Variants in ARHGEF28 observed in about 807,000 individuals in gnomAD.
ARHGEF28 encodes the protein Rho guanine nucleotide exchange factor 28.
In ARHGEF28, 152 loss-of-function variants were observed where a neutral mutation model predicts 206.6. That is an observed-to-expected ratio of 0.74 (90% CI 0.64 to 0.84). The LOEUF (loss-of-function observed/expected upper bound fraction) is 0.84. Among genes scored for constraint, ARHGEF28 ranks in the 40% least tolerant of loss-of-function variants. The pLI is 0.00. For synonymous variants in ARHGEF28, 763 were observed against 776.4 expected, an observed-to-expected ratio of 0.98 and a Z score of 0.29; for missense variants, 2,028 against 2,073.2, an observed-to-expected ratio of 0.98 and a Z score of 0.42.
chr5:73,692,640 A>G (rs1305038906), intron 2 of ARHGEF28, among the ~76,000 whole-genome samples: 2 of 151,996 alleles, frequency 1.3e-5, no homozygotes, highest in Non-Finnish European at 2.9e-5. Context: ...TAATTTCTGG[A>G]TGTTGGTATA....
At chr5:73,854,941 G>A (rs1758923939) in intron 14 of ARHGEF28, among the ~76,000 whole-genome samples, 1 of 152,022 alleles carries the variant, frequency 6.6e-6, no homozygotes, top group Admixed American at 6.6e-5. Context: ...TTCTTAATAT[G>A]TTTTAAATGT....
chr5:73,684,910 G>T, intron 2 of ARHGEF28, 26 bp downstream of exon 2: 1 of 1,609,706 alleles, frequency 6.2e-7, no homozygotes. Context: ...CGGGGCTTCA[G>T]GTCCAAGGGG....
chr5:73,915,550 ATTTCCT>A (rs1303921056), intron 35 of ARHGEF28, among the ~76,000 whole-genome samples: 1 of 152,124 alleles, frequency 6.6e-6, no homozygotes, highest in African/African-American at 2.4e-5. Flanking sequence ...GAATATTTGA[ATTTCCT>A]TAAACAATAG....
At chr5:73,929,722 G>T (rs574112929) in intron 35 of ARHGEF28, among the ~76,000 whole-genome samples, 1 of 152,120 alleles carries the variant, frequency 6.6e-6, no homozygotes, top group East Asian at 1.9e-4. Flanking sequence ...ATTGCTAAAG[G>T]CCCTTACCCA....
chr5:73,940,704 CCTTTCT>C, intron 35 of ARHGEF28, 134 bp from the exon 36 acceptor site: 1 of 598,926 alleles, frequency 1.7e-6, no homozygotes, highest in Non-Finnish European at 2.5e-6. Context: ...CTATTATGTT[CCTTTCT>C]CATTGGGCTT....
Position 73,898,071 on chromosome 5 carries a change from T to A in ARHGEF28, c.3951T>A (p.Asp1317Glu), listed in dbSNP as rs751058272. Residue 1317 changes from aspartate (D) to glutamate (E), a missense_variant, in exon 30 of 36, where the codon GAT becomes GAA. Coordinates refer to ENST00000513042, the MANE Select transcript of ARHGEF28 (RefSeq NM_001177693.2). Reference protein sequence around the residue: ...SVLADTLSSHDVPGSPTASLV... With the variant: ...SVLADTLSSHEVPGSPTASLV... ...TGGCGGACACACTCAGTTCTCATGA[T>A]GTACCAGGATCACCGACTGCCTGTA... 1 of 1,612,236 alleles carries A rather than the reference T, an allele frequency of 6.2e-7. No homozygotes were observed. Among genetic ancestry groups the A allele is most frequent in the African/African-American group, 1.3e-5 (1 of 74,926 alleles).
intron 35 of ARHGEF28, among the ~76,000 whole-genome samples, chr5:73,926,691 C>T (rs541809116): frequency 3.3e-5 from 5 of 152,348 alleles, no homozygotes; most frequent in East Asian, 1.9e-4. Context: ...GTGCTTTCTC[C>T]TCTCTGAAGT....
chr5:73,812,257 A>G (rs1755884922), intron 9 of ARHGEF28, among the ~76,000 whole-genome samples: 1 of 152,142 alleles, frequency 6.6e-6, no homozygotes. Flanking sequence ...CTATGCAGCT[A>G]TTTTCTTACA....
chr5:73,895,427 C>CGAGTG (rs1204029244), intron 29 of ARHGEF28, among the ~76,000 whole-genome samples: 8 of 151,966 alleles, frequency 5.3e-5, no homozygotes, highest in African/African-American at 1.7e-4. Flanking sequence ...GGAAGGCAAA[C>CGAGTG]GAGTGGCTGA....
At chr5:73,683,365 C>A (rs1017650601) in intron 1 of ARHGEF28, among the ~76,000 whole-genome samples, 1 of 152,094 alleles carries the variant, frequency 6.6e-6, no homozygotes, top group African/African-American at 2.4e-5. Context: ...CTGTGTCCCA[C>A]CCCTGGCAAC....
intron 3 of ARHGEF28, among the ~76,000 whole-genome samples, chr5:73,750,277 A>G (rs1751956817): frequency 6.6e-6 from 1 of 152,086 alleles, no homozygotes; most frequent in Admixed American, 6.5e-5. Context: ...AACTGGAGGA[A>G]ACACTGTCTA....
At chr5:73,916,612 G>A (rs189591894) in intron 35 of ARHGEF28, among the ~76,000 whole-genome samples, 45 of 152,078 alleles carry the variant, frequency 3.0e-4, no homozygotes, top group African/African-American at 1.1e-3. Context: ...ATTGGATTAG[G>A]GCCCACCATA....
intron 2 of ARHGEF28, among the ~76,000 whole-genome samples, chr5:73,717,729 T>C (rs1749671601): frequency 1.3e-5 from 2 of 152,188 alleles, no homozygotes; most frequent in South Asian, 4.1e-4. Flanking sequence ...AGAAGAAAGG[T>C]AAATCATGAT....
intron 4 of ARHGEF28, among the ~76,000 whole-genome samples, chr5:73,762,927 G>A (rs1392937679): frequency 6.6e-6 from 1 of 152,084 alleles, no homozygotes; most frequent in Non-Finnish European, 1.5e-5. Flanking sequence ...TATAAAATAA[G>A]GATAGTAATA....
intron 7 of ARHGEF28, among the ~76,000 whole-genome samples, chr5:73,792,108 A>G (rs1252817554): frequency 6.6e-6 from 1 of 152,224 alleles, no homozygotes. Context: ...TTAAAGATAC[A>G]TTATTATCTG....
chr5:73,830,827 A>G (rs1554068157), intron 9 of ARHGEF28, among the ~76,000 whole-genome samples: 1 of 151,816 alleles, frequency 6.6e-6, no homozygotes, highest in Non-Finnish European at 1.5e-5. Context: ...TTATTTCCTG[A>G]TTCACCCCCA....
intron 2 of ARHGEF28, among the ~76,000 whole-genome samples, chr5:73,698,223 G>T (rs1014234078): frequency 5.9e-5 from 9 of 152,100 alleles, no homozygotes; most frequent in Non-Finnish European, 8.8e-5. Flanking sequence ...TGTCCGAGGG[G>T]AAATTGAATG....
intron 18 of ARHGEF28, among the ~76,000 whole-genome samples, 188 bp from the exon 19 acceptor site, chr5:73,867,688 G>C (rs1311369890): frequency 6.6e-6 from 1 of 152,190 alleles, no homozygotes; most frequent in Non-Finnish European, 1.5e-5. Flanking sequence ...TGGGTGTCAG[G>C]AGGGTGTAAA....
intron 22 of ARHGEF28, 145 bp from the exon 23 acceptor site, chr5:73,882,327 G>A: frequency 1.7e-6 from 1 of 582,768 alleles, no homozygotes; most frequent in Non-Finnish European, 2.8e-6. Context: ...AAATGTCTGA[G>A]GAGATAAGTG....
Sources: gnomAD v4.1 joint callset for allele counts (sites outside exome capture counted in the v4.1 genomes callset) on GRCh38, gnomAD v4.1.1 for gene constraint, MANE v1.5 for transcripts, NCBI Gene and HGNC (gene_info 2026-07-23, HGNC 2026-07-21) for gene names.